The following TTN variants were observed in gnomAD, a reference collection of about 807,000 sequenced individuals.
The protein encoded by TTN is titin, also known as connectin.
A neutral mutation model predicts 3,223.0 loss-of-function variants in TTN; 1,525 were observed. The ratio of observed to expected loss-of-function variants is 0.47; its 90% CI spans 0.45 to 0.49. The LOEUF (loss-of-function observed/expected upper bound fraction) is 0.49. Ranked by LOEUF, TTN falls within the 20% of genes least tolerant of loss-of-function variation. The pLI is 0.00. For synonymous variants in TTN, 14,094 were observed against 15,161.0 expected (o/e 0.93, Z 5.17); for missense variants, 40,786 against 43,424.0 (o/e 0.94, Z 5.40).
rs753461234 is a variant in TTN at position 178,576,915 on chromosome 2, C to T, written c.69412+8G>A. ...TTCCATGTCAATTCCCTCACATGCTCTACATACCAAATCTGTCTACCATTT... is the reference window on the plus strand; with the variant it reads ...TTCCATGTCAATTCCCTCACATGCTTTACATACCAAATCTGTCTACCATTT... On this transcript the variant is annotated splice_region_variant and intron_variant, in intron 324 of 362. Coordinates refer to ENST00000589042, the MANE Select transcript of TTN (RefSeq NM_001267550.2). The surrounding 1 kb of genome is among the most constrained non-coding windows in gnomAD (Gnocchi z 4.3). The T allele has an allele frequency of 8.7e-6, 14 of 1,609,702 alleles. No homozygotes were observed. The African/African-American group carries it at 1.7e-4, about 20-fold the overall frequency.
chr2:178,709,588 GCA>G lies in TTN; in HGVS notation c.28729_28730del (p.Cys9577HisfsTer10). On this transcript the variant is annotated frameshift_variant, in exon 99 of 363. Coordinates refer to ENST00000589042, the MANE Select transcript of TTN (RefSeq NM_001267550.2). LOFTEE classifies it high-confidence loss of function. ...CACCTTTGATGACGATTGAAGACGT[GCA>G]CAGAGCAGAGCCTGCATCATTGGAC... is the stretch of plus-strand genomic sequence containing the variant. ...KVSNDAGSAL[C>X]TSSIVIKEPK... 6.2e-7 allele frequency: 1 copy of G among 1,612,410 alleles called. No individual in the cohort carries two copies. Among genetic ancestry groups the G allele is most frequent in the Non-Finnish European group, 8.5e-7 (1 of 1,178,570 alleles).
chr2:178,554,387 C>T (rs911640799), intron 332 of TTN, 66 bp downstream of exon 332: 1 of 1,528,528 alleles, frequency 6.5e-7, no homozygotes, highest in Admixed American at 2.1e-5. Flanking sequence ...AAAGCATATG[C>T]ACAGGTTAGC....
rs1459194268 is a variant in TTN, at chr2:178,717,961, C to G, written c.25045G>C (p.Ala8349Pro). 6.2e-7 allele frequency: 1 copy of G among 1,612,548 alleles called. No homozygotes were observed. Among genetic ancestry groups the G allele is most frequent in the South Asian group, 1.1e-5 (1 of 91,036 alleles). The change falls in exon 86 of 363, where the codon GCT (alanine) becomes CCT (proline). Residue 8349 changes from alanine (A) to proline (P), a missense_variant. Ala to Pro is a conservative substitution (Grantham distance 27, BLOSUM62 -1). Transcript: ENST00000589042. ...CCATCACCTTTGATAACAAGCACAGCTGAAGAAGCGACTGCCCCCACACTG... is the reference window on the plus strand; with the variant it reads ...CCATCACCTTTGATAACAAGCACAGGTGAAGAAGCGACTGCCCCCACACTG... ...DNSVGAVASS[A>P]VLVIKARKLP...
chr2:178,662,177 GC>G lies in TTN; in HGVS notation c.37084del (p.Ala12362LeufsTer585). On this transcript the variant is annotated frameshift_variant, in exon 178 of 363. Transcript: ENST00000589042. LOFTEE classifies it high-confidence loss of function. ...EVVPEKKVPKAPPTKPEAPPA... is the reference protein window; with the variant it reads ...EVVPEKKVPKXPPTKPEAPPA... ...TGGGGCTTCTGGTTTTGTGGGAGGA[GC>G]CTTAGGAACTTTCTTTTCTGGGACA... 3 of 819,002 alleles carry G rather than the reference GC, an allele frequency of 3.7e-6. No homozygotes were observed. The highest frequency in any genetic ancestry group is 5.0e-6 in the Non-Finnish European group (3 of 598,022). The allele number at this position is 819,002 out of a possible 1,614,324, so 50.7% of individuals were successfully genotyped here. A position where few individuals can be genotyped will look rare whatever the true frequency, so the allele number is the denominator to read the frequency against.
Position 178,632,248 on chromosome 2 carries a change from T to C in TTN, c.43646A>G (p.Lys14549Arg), listed in dbSNP as rs775953090. Residue 14549 changes from lysine (K) to arginine (R), a missense_variant, in exon 236 of 363, where the codon AAA (lysine) becomes AGA (arginine). Physicochemically the swap from Lys to Arg is conservative, Grantham distance 26. Transcript: ENST00000589042. ...GTCTTTGAATGTGATCGAATGAGTTTTCCCTTCGTCTTGCATTGAGACCGA... is the reference window on the plus strand; with the variant it reads ...GTCTTTGAATGTGATCGAATGAGTTCTCCCTTCGTCTTGCATTGAGACCGA... ...TRSVSMQDEG[K>R]THSITFKDLS... 1.2e-6 allele frequency: 2 copies of C among 1,608,808 alleles called. No individual in the cohort carries two copies. Among genetic ancestry groups the C allele is most frequent in the Non-Finnish European group, 1.7e-6 (2 of 1,177,422 alleles).
chr2:178,748,956 T>C lies in TTN; in HGVS notation c.11311+4168A>G, dbSNP rs149169686. On this transcript the variant is annotated intron_variant, in intron 47 of 362. Coordinates refer to ENST00000589042, the MANE Select transcript of TTN (RefSeq NM_001267550.2). ...ATCTTCTTTTGAGGAGGATTAACAA[T>C]TGATGTTCTGGTAGGTCTTTTTTCT... 7.4e-6 allele frequency: 12 copies of C among 1,612,530 alleles called. No homozygotes were observed. In the East Asian group the frequency reaches 8.9e-5, roughly 12 times the overall value.
chr2:178,632,119 G>A (rs775853568), intron 236 of TTN, 28 bp downstream of exon 236: 2 of 1,540,772 alleles, frequency 1.3e-6, no homozygotes, highest in Non-Finnish European at 1.7e-6. Context: ...ATTTAATGCA[G>A]TAAAATTAAA....
At position 178,566,188 on chromosome 2, in the gene TTN, T is replaced by A. The variant is rs72648209; in HGVS notation, c.79944A>T (p.Leu26648=). 4.1e-5 allele frequency: 66 copies of A among 1,613,604 alleles called. No homozygotes were observed. The highest frequency in any genetic ancestry group is 5.5e-5 in the Non-Finnish European group (65 of 1,179,710). Residue 26648 remains leucine, a synonymous_variant, in exon 326 of 363, where the codon CTA becomes CTT. Coordinates refer to ENST00000589042, the MANE Select transcript of TTN (RefSeq NM_001267550.2). ...CATTTCTATCACAGTTATCTATTGA[T>A]AGTTGGGTATAGTTTACTCCCTTTT... ...QIEKGVNYTQ[L]SIDNCDRNDA...
intron 125 of TTN, 102 bp downstream of exon 125, chr2:178,688,951 T>C (rs1249216113): frequency 8.0e-7 from 1 of 1,256,916 alleles, no homozygotes; most frequent in African/African-American, 1.5e-5. Context: ...AGACAATGGA[T>C]CAGTATAAGC....
At position 178,533,339 on chromosome 2, in the gene TTN, T is replaced by G; in HGVS notation, c.103276A>C (p.Thr34426Pro). The G allele has an allele frequency of 6.2e-7, 1 of 1,613,734 alleles. No individual in the cohort carries two copies. Among genetic ancestry groups the G allele is most frequent in the Non-Finnish European group, 8.5e-7 (1 of 1,179,874 alleles). The change falls in exon 358 of 363, where the codon ACT becomes CCT. Residue 34426 changes from threonine to proline, a missense_variant. Transcript: ENST00000589042. The stretch of plus-strand genomic sequence containing the variant: ...TAATAACCCGTGTCTTCAGGCAAAG[T>G]GTCCCTGATGTGCAGAGCATAATAA... ...LDYYALHIRD[T>P]LPEDTGYYRV... is the part of the protein sequence containing the mutation.
rs945270235 is a variant in TTN at position 178,599,340 on chromosome 2, G to T, written c.56453C>A (p.Thr18818Lys). ...PPKDDGGSKI[T>K]NYVIEKREAN... ...TTCTCTTTTCTCAATTACATAGTTT[G>T]TAATCTTAGACCCACCATCATCTTT... Residue 18818 changes from threonine (T) to lysine (K), a missense_variant, in exon 290 of 363, where the codon ACA (threonine) becomes AAA (lysine). By Grantham distance (78) the Thr-to-Lys change is moderately conservative. Coordinates refer to ENST00000589042, the MANE Select transcript of TTN (RefSeq NM_001267550.2). 6.2e-7 allele frequency: 1 copy of T among 1,609,456 alleles called. No individual in the cohort carries two copies. Among genetic ancestry groups the T allele is most frequent in the Admixed American group, 1.7e-5 (1 of 59,244 alleles).
In TTN at chr2:178,616,790, A is replaced by G. The variant is rs760816246; in HGVS notation, c.48099T>C (p.Tyr16033=). The G allele has an allele frequency of 5.6e-6, 9 of 1,612,692 alleles. No homozygotes were observed. The highest frequency in any genetic ancestry group is 7.6e-6 in the Non-Finnish European group (9 of 1,179,192). Residue 16033 remains tyrosine, a synonymous_variant, in exon 256 of 363, where the codon TAT becomes TAC. Transcript: ENST00000589042. ...TCACACGGTTTTCTAATTTCAGTGT[A>G]TAAATGCCCTTGTCTGAACGTTCAC... The part of the protein sequence containing the change: ...SPSERSDKGI[Y]TLKLENRVKT...
chr2:178,759,386 C>T (rs1325527319), intron 43 of TTN, among the ~76,000 whole-genome samples: 1 of 152,140 alleles, frequency 6.6e-6, no homozygotes, highest in African/African-American at 2.4e-5. Context: ...TATAGCTTGT[C>T]CTAAGGTTGA....
At chr2:178,682,616 CTTGTTATGATTTATCTTGTTTTATCTTG>C in intron 135 of TTN, 53 bp downstream of exon 135, 1 of 1,314,530 alleles carries the variant, frequency 7.6e-7, no homozygotes, top group Non-Finnish European at 1.0e-6. Flanking sequence ...AAATTTTTAT[CTTGTTATGATTTATCTTGTTTTATCTTG>C]TTTGAGTGTG....
Position 178,589,775 on chromosome 2 carries a change from A to G in TTN, c.61950T>C (p.Val20650=), listed in dbSNP as rs878974456. The G allele has an allele frequency of 6.2e-7, 1 of 1,613,566 alleles. No homozygotes were observed. The highest frequency in any genetic ancestry group is 8.5e-7 in the Non-Finnish European group (1 of 1,179,608). Residue 20650 remains valine (V), a synonymous_variant, in exon 304 of 363, where the codon GTT becomes GTC. Coordinates refer to ENST00000589042, the MANE Select transcript of TTN (RefSeq NM_001267550.2). ...GAGTTTTTGTTTCGATGGTTGGCCC[A>G]ACACCTACTTTATTCTCTGCACAAA... ...FRVCAENKVG[V]GPTIETKTPI...
rs762442399 is a variant in TTN at position 178,748,124 on chromosome 2, C to T, written c.11311+5000G>A. ...TTTCAAATGTGAGATGGAACTTCTG[C>T]CTCCATTTTCTAGAGGACAACTTTT... On this transcript the variant is annotated intron_variant, in intron 47 of 362. Transcript: ENST00000589042. 6 of 1,613,102 alleles carry T rather than the reference C, an allele frequency of 3.7e-6. No homozygotes were observed. The East Asian group carries it at 8.9e-5, about 24-fold the overall frequency.
rs749438176 is a variant in TTN, at chr2:178,591,710, C to A, written c.60109G>T (p.Val20037Phe). The A allele has an allele frequency of 3.7e-6, 6 of 1,613,238 alleles. No homozygotes were observed. In the East Asian group the frequency reaches 1.3e-4, roughly 36 times the overall value. The change falls in exon 303 of 363, where the codon GTT becomes TTT. Residue 20037 changes from valine to phenylalanine, a missense_variant. Coordinates refer to ENST00000589042, the MANE Select transcript of TTN (RefSeq NM_001267550.2). ...GTCTTTCCTTGTTGTAGTCCAGTAACCACACACTCTAAGTTTGTCACAGTC... is the reference window on the plus strand; with the variant it reads ...GTCTTTCCTTGTTGTAGTCCAGTAAACACACACTCTAAGTTTGTCACAGTC... ...FKTVTNLECVVTGLQQGKTYR... is the reference protein window; with the variant it reads ...FKTVTNLECVFTGLQQGKTYR...
In TTN at chr2:178,548,611, C is replaced by T. The variant is rs1426132545; in HGVS notation, c.93015G>A (p.Lys31005=). Residue 31005 remains lysine (K), a synonymous_variant, in exon 339 of 363, where the codon AAG becomes AAA. Transcript: ENST00000589042. The surrounding 1 kb of genome is among the most constrained non-coding windows in gnomAD (Gnocchi z 4.3). ...TLTVENNSGS[K]SITFTVKVLD... is the part of the protein sequence containing the mutation. Reference sequence around the variant, plus strand: ...GCACTTTCACGGTGAATGTGATTGACTTACTACCACTGTTGTTTTCCACAG... The same window carrying T: ...GCACTTTCACGGTGAATGTGATTGATTTACTACCACTGTTGTTTTCCACAG... 12 of 1,613,866 alleles carry T rather than the reference C, an allele frequency of 7.4e-6. No individual in the cohort carries two copies. Among genetic ancestry groups the T allele is most frequent in the Non-Finnish European group, 7.6e-6 (9 of 1,179,804 alleles).
At position 178,532,129 on chromosome 2, in the gene TTN, G is replaced by C. The variant is rs1689404255; in HGVS notation, c.104486C>G (p.Ser34829Ter). ...YEISKHAQRE[S>*]SSSASRLLRR... Reference sequence around the variant, plus strand: ...CAGTAGTCTAGACGCAGATGAGGATGATTCTCTTTGAGCATGTTTTGAGAT... The same window carrying C: ...CAGTAGTCTAGACGCAGATGAGGATCATTCTCTTTGAGCATGTTTTGAGAT... The change falls in exon 358 of 363, where the codon TCA becomes TGA. Residue 34829 changes from serine to a stop codon, truncating the protein, a stop_gained. Transcript: ENST00000589042. LOFTEE classifies it high-confidence loss of function. The C allele has an allele frequency of 6.2e-7, 1 of 1,613,892 alleles. No individual in the cohort carries two copies. The highest frequency in any genetic ancestry group is 2.2e-5 in the East Asian group (1 of 44,874).
Sources: gnomAD v4.1 joint callset for allele counts (sites outside exome capture counted in the v4.1 genomes callset) on GRCh38, gnomAD v4.1.1 for gene constraint, Gnocchi (gnomAD v3.1) non-coding constraint, MANE v1.5 for transcripts, NCBI Gene and HGNC (gene_info 2026-07-23, HGNC 2026-07-21) for gene names.